NBEAL1: variants seen among roughly 807,000 people sequenced by gnomAD.
The protein encoded by NBEAL1 is neurobeachin-like protein 1.
In NBEAL1, 273 loss-of-function variants were observed where a neutral mutation model predicts 351.3. The ratio of observed to expected loss-of-function variants is 0.78; its 90% CI spans 0.70 to 0.86. NBEAL1 has a LOEUF of 0.86. Ranked by LOEUF, NBEAL1 falls within the 40% of genes least tolerant of loss-of-function variation. The probability of loss-of-function intolerance (pLI) is 0.00; values close to 1 mark genes in which losing one functional copy is unlikely to be tolerated. For missense variants in NBEAL1, 2,961 were observed against 3,201.3 expected, an observed-to-expected ratio of 0.92 and a Z score of 1.81; for synonymous variants, 1,050 against 1,086.4, an observed-to-expected ratio of 0.97 and a Z score of 0.66.
At chr2:203,037,395 T>C (rs1464856967) in intron 2 of NBEAL1, among the ~76,000 whole-genome samples, 1 of 149,248 alleles carries the variant, frequency 6.7e-6, no homozygotes, top group Admixed American at 6.8e-5. Context: ...GCATCATTTT[T>C]TGAGATACAG....
intron 4 of NBEAL1, 46 bp downstream of exon 4, chr2:203,050,021 T>A (rs1323972499): frequency 1.3e-6 from 2 of 1,519,970 alleles, no homozygotes; most frequent in East Asian, 2.5e-5. Context: ...TAGGTGGGAG[T>A]TGAACAATGA....
intron 2 of NBEAL1, among the ~76,000 whole-genome samples, chr2:203,028,184 A>G (rs936675611): frequency 7.0e-6 from 1 of 142,456 alleles, no homozygotes; most frequent in African/African-American, 2.6e-5. Context: ...GCCTGGCCCA[A>G]TTTTTTTTTT....
At chr2:203,027,447 G>T (rs551906193) in intron 2 of NBEAL1, among the ~76,000 whole-genome samples, 1 of 152,090 alleles carries the variant, frequency 6.6e-6, no homozygotes, top group African/African-American at 2.4e-5. Context: ...AAGATTAAAT[G>T]ATATACCCAT....
intron 53 of NBEAL1, among the ~76,000 whole-genome samples, chr2:203,209,748 T>TGTGTGTGTGTGTGTG (rs1553507773): frequency 1.3e-5 from 2 of 151,670 alleles, no homozygotes; most frequent in African/African-American, 4.8e-5. Context: ...TGTGTGTGTA[T>TGTGTGTGTGTGTGTG]TTTTTTCTGA....
chr2:203,119,264 C>T (rs2106264687), intron 18 of NBEAL1, among the ~76,000 whole-genome samples: 1 of 151,140 alleles, frequency 6.6e-6, no homozygotes, highest in African/African-American at 2.4e-5. Flanking sequence ...TCCTCCTGGG[C>T]TCAAGCAATA....
chr2:203,130,453 A>C lies in NBEAL1; in HGVS notation c.3541A>C (p.Arg1181=). Residue 1181 remains arginine (R), a synonymous_variant, in exon 25 of 56, where the codon AGA becomes CGA. Coordinates refer to ENST00000683969, the MANE Select transcript of NBEAL1 (RefSeq NM_001378026.1). ...ALLLNQKYSD[R]LREIIFKIME... ...GCTCTTAAATCAGAAGTACTCTGACAGACTAAGAGAAATCATTTTTAAGGT... is the reference window on the plus strand; with the variant it reads ...GCTCTTAAATCAGAAGTACTCTGACCGACTAAGAGAAATCATTTTTAAGGT... 7.0e-7 allele frequency: 1 copy of C among 1,436,274 alleles called. No individual in the cohort carries two copies. The highest frequency in any genetic ancestry group is 9.1e-7 in the Non-Finnish European group (1 of 1,098,502). The allele number at this position is 1,436,274 out of a possible 1,614,324, so 89.0% of individuals were successfully genotyped here. A position where few individuals can be genotyped will look rare whatever the true frequency, so the allele number is the denominator to read the frequency against.
At chr2:203,026,840 A>G (rs1172479562) in intron 2 of NBEAL1, among the ~76,000 whole-genome samples, 3 of 152,124 alleles carry the variant, frequency 2.0e-5, no homozygotes, top group African/African-American at 7.2e-5. Flanking sequence ...TAGAATCCTC[A>G]TTATGCATTT....
At chr2:203,091,956 A>G (rs1180780648) in intron 10 of NBEAL1, among the ~76,000 whole-genome samples, 1 of 152,128 alleles carries the variant, frequency 6.6e-6, no homozygotes, top group African/African-American at 2.4e-5. Context: ...CATAATTTTA[A>G]TGTCTATATA....
chr2:203,103,493 A>G (rs997013124), intron 12 of NBEAL1, among the ~76,000 whole-genome samples: 4 of 152,072 alleles, frequency 2.6e-5, no homozygotes, highest in Admixed American at 6.6e-5. Context: ...ACTGGTCTTG[A>G]ACTCCTGATC....
chr2:203,150,334 G>GTT (rs1318152853), intron 34 of NBEAL1, among the ~76,000 whole-genome samples: 9 of 152,004 alleles, frequency 5.9e-5, no homozygotes, highest in Non-Finnish European at 1.2e-4. Flanking sequence ...TCACATGCTT[G>GTT]TTGGTCATTT....
chr2:203,179,662 G>A lies in NBEAL1; in HGVS notation c.6465-720G>A, dbSNP rs16839600. Among the ~76,000 whole-genome samples the A allele has an allele frequency of 5.0e-4, 76 of 151,914 alleles. No individual in the cohort carries two copies. In the East Asian group the frequency reaches 0.011, roughly 21 times the overall value. On this transcript the variant is annotated intron_variant, in intron 42 of 55. Coordinates refer to ENST00000683969, the MANE Select transcript of NBEAL1 (RefSeq NM_001378026.1). ...ATATATCAGTGATTAAATCAGCAGC[G>A]TTCCTATAGATCTATTAACCAAGTA...
rs1337414646 is a variant in NBEAL1 at position 203,039,070 on chromosome 2, T to C, written c.52-2695T>C. Among the ~76,000 whole-genome samples the C allele has an allele frequency of 2.7e-5, 4 of 148,590 alleles. 1 individual carries two copies. Among genetic ancestry groups the C allele is most frequent in the Non-Finnish European group, 6.0e-5 (4 of 66,196 alleles). ...TTTTTTTCTTTTTCAGTTTATGATT[T>C]TTTTGTCCTAGCTAAGAAACCTCTG... On this transcript the variant is annotated intron_variant, in intron 2 of 55. Coordinates refer to ENST00000683969, the MANE Select transcript of NBEAL1 (RefSeq NM_001378026.1).
At chr2:203,117,616 C>A (rs991801681) in intron 18 of NBEAL1, among the ~76,000 whole-genome samples, 3 of 152,084 alleles carry the variant, frequency 2.0e-5, no homozygotes, top group African/African-American at 7.2e-5. Context: ...TTTCCTCAGT[C>A]CTTGCTGACC....
chr2:203,099,772 T>C, intron 12 of NBEAL1, 60 bp downstream of exon 12: 1 of 1,143,732 alleles, frequency 8.7e-7, no homozygotes. Context: ...GGTTCAGGGG[T>C]ACATGTGCAG....
chr2:203,015,168 G>A (rs143101315), intron 1 of NBEAL1, among the ~76,000 whole-genome samples, 186 bp downstream of exon 1: 5 of 152,286 alleles, frequency 3.3e-5, no homozygotes, highest in Admixed American at 1.3e-4. Flanking sequence ...CGCCGAGTCC[G>A]CATTCCTCAG....
intron 38 of NBEAL1, among the ~76,000 whole-genome samples, chr2:203,168,784 C>T (rs1222684963): frequency 6.6e-6 from 1 of 150,430 alleles, no homozygotes; most frequent in Non-Finnish European, 1.5e-5. Flanking sequence ...ATGCCAGCTA[C>T]TCGAGAGGCT....
intron 26 of NBEAL1, 120 bp from the exon 27 acceptor site, chr2:203,132,938 C>A: frequency 1.7e-6 from 1 of 585,706 alleles, no homozygotes; most frequent in Admixed American, 3.5e-5. Flanking sequence ...TTTGAACATA[C>A]CTATAATTCA....
chr2:203,172,237 T>C (rs905643913), intron 40 of NBEAL1, among the ~76,000 whole-genome samples: 1 of 152,086 alleles, frequency 6.6e-6, no homozygotes, highest in Non-Finnish European at 1.5e-5. Flanking sequence ...AAATATCCAG[T>C]GGGGCAGGTG....
intron 10 of NBEAL1, among the ~76,000 whole-genome samples, chr2:203,089,171 C>G (rs960643123): frequency 6.6e-6 from 1 of 152,030 alleles, no homozygotes; most frequent in East Asian, 1.9e-4. Flanking sequence ...CCAGCCTGGC[C>G]AACATGGCAA....
Sources: gnomAD v4.1 joint callset for allele counts (sites outside exome capture counted in the v4.1 genomes callset) on GRCh38, gnomAD v4.1.1 for gene constraint, MANE v1.5 for transcripts, NCBI Gene and HGNC (gene_info 2026-07-23, HGNC 2026-07-21) for gene names.